The following PXYLP1 variants were observed in gnomAD, a reference collection of about 807,000 sequenced individuals.
PXYLP1 encodes acid phosphatase-like 2.
A neutral mutation model predicts 37.9 loss-of-function variants in PXYLP1; 17 were observed. That is an observed-to-expected ratio of 0.45 (90% CI 0.31 to 0.67). PXYLP1 has a LOEUF of 0.67. Ranked by LOEUF, PXYLP1 falls within the 30% of genes least tolerant of loss-of-function variation. The pLI, the probability that PXYLP1 is intolerant of heterozygous loss-of-function variation, is 0.07. For synonymous variants in PXYLP1, 221 were observed against 232.2 expected (o/e 0.95, Z 0.44); for missense variants, 511 against 612.0 (o/e 0.84, Z 1.74).
At chr3:141,250,468 C>T (rs1228079526) in intron 1 of PXYLP1, among the ~76,000 whole-genome samples, 1 of 152,244 alleles carries the variant, frequency 6.6e-6, no homozygotes, top group Non-Finnish European at 1.5e-5. Flanking sequence ...CCTGCGTGGG[C>T]GTCTGCCAGG....
At chr3:141,237,524 G>A (rs974544316) in intron 1 of PXYLP1, among the ~76,000 whole-genome samples, 2 of 152,174 alleles carry the variant, frequency 1.3e-5, no homozygotes, top group Admixed American at 1.3e-4. Flanking sequence ...TAAAATTTGG[G>A]TGGTGATAAT....
Position 141,293,291 on chromosome 3 carries a change from T to C in PXYLP1, c.*86T>C. The C allele has an allele frequency of 1.5e-6, 2 of 1,318,630 alleles. No homozygotes were observed. Among genetic ancestry groups the C allele is most frequent in the Non-Finnish European group, 2.1e-6 (2 of 972,432 alleles). 81.7% of individuals were successfully genotyped at this position (1,318,630 alleles called of 1,614,324 possible). On this transcript the variant is annotated 3_prime_UTR_variant, in exon 6 of 6. Coordinates refer to ENST00000286353, the MANE Select transcript of PXYLP1 (RefSeq NM_001037172.3). ...TTCTAGTTTTGTCTGTTACTAAGGGTAGAAGATTATTGCTTTTTAAAGGCT... is the reference window on the plus strand; with the variant it reads ...TTCTAGTTTTGTCTGTTACTAAGGGCAGAAGATTATTGCTTTTTAAAGGCT...
chr3:141,237,940 A>G (rs1940700401), intron 1 of PXYLP1, among the ~76,000 whole-genome samples: 1 of 152,186 alleles, frequency 6.6e-6, no homozygotes, highest in South Asian at 2.1e-4. Context: ...ACTCTTGGCC[A>G]CAGGTTGTTA....
chr3:141,251,459 A>G (rs1941139431), intron 1 of PXYLP1, among the ~76,000 whole-genome samples: 1 of 152,190 alleles, frequency 6.6e-6, no homozygotes, highest in South Asian at 2.1e-4. Flanking sequence ...CCACATCTCT[A>G]CAACAGTTGC....
Position 141,292,379 on chromosome 3 carries a change from G to C in PXYLP1, c.617G>C (p.Gly206Ala). ...SADQLYLETT[G>A]KSRTLQSGLA... ...GACCAGCTCTATTTAGAGACCACTGGGAAAAGCCGGACCCTACAAAGTGGG... is the reference window on the plus strand; with the variant it reads ...GACCAGCTCTATTTAGAGACCACTGCGAAAAGCCGGACCCTACAAAGTGGG... Residue 206 changes from glycine to alanine, a missense_variant, in exon 6 of 6, where the codon GGG (glycine) becomes GCG (alanine). Transcript: ENST00000286353. This position sits in a 1 kb window ranked among gnomAD's most constrained non-coding sequence, Gnocchi z 4.3. 6.2e-7 allele frequency: 1 copy of C among 1,614,168 alleles called. No individual in the cohort carries two copies. Among genetic ancestry groups the C allele is most frequent in the Non-Finnish European group, 8.5e-7 (1 of 1,180,050 alleles).
chr3:141,264,890 C>T (rs772030428), intron 2 of PXYLP1, among the ~76,000 whole-genome samples: 2 of 152,202 alleles, frequency 1.3e-5, no homozygotes, highest in African/African-American at 2.4e-5. Context: ...CAGTACCTGG[C>T]ACATAGTAAT....
intron 1 of PXYLP1, chr3:141,235,449 G>A (rs1425709580): frequency 6.6e-6 from 1 of 152,196 alleles, no homozygotes; most frequent in African/African-American, 2.4e-5. Flanking sequence ...TTCCAATGGA[G>A]GAAGCTTCCA....
chr3:141,258,227 C>T (rs1266178532), intron 1 of PXYLP1, among the ~76,000 whole-genome samples: 1 of 152,146 alleles, frequency 6.6e-6, no homozygotes, highest in Non-Finnish European at 1.5e-5. Context: ...CAGTGGCTTC[C>T]CAGGCCCAGA....
intron 1 of PXYLP1, among the ~76,000 whole-genome samples, chr3:141,239,744 A>G (rs1225963298): frequency 1.3e-5 from 2 of 152,226 alleles, no homozygotes; most frequent in African/African-American, 4.8e-5. Flanking sequence ...GTGCCAGCCC[A>G]CTGCCCAATG....
At chr3:141,235,797 C>T (rs1940645804) in intron 1 of PXYLP1, among the ~76,000 whole-genome samples, 1 of 152,234 alleles carries the variant, frequency 6.6e-6, no homozygotes, top group Non-Finnish European at 1.5e-5. Flanking sequence ...TTTCAGGGTC[C>T]GCTCTGAGTC....
intron 2 of PXYLP1, 27 bp from the exon 3 acceptor site, chr3:141,278,315 G>T: frequency 6.2e-7 from 1 of 1,613,558 alleles, no homozygotes; most frequent in Non-Finnish European, 8.5e-7. Flanking sequence ...GGAACTGTGC[G>T]TCACAACCTG....
intron 2 of PXYLP1, among the ~76,000 whole-genome samples, chr3:141,270,521 A>G (rs1208790129): frequency 6.6e-6 from 1 of 152,236 alleles, no homozygotes; most frequent in African/African-American, 2.4e-5. Flanking sequence ...GAGGAGCACT[A>G]AGGGAATTGT....
rs894477517 is a variant in PXYLP1, at chr3:141,292,922, G to C, written c.1160G>C (p.Ser387Thr). The C allele has an allele frequency of 6.2e-7, 1 of 1,614,188 alleles. No individual in the cohort carries two copies. ...AHDVTLSPVL[S>T]ALGLSEARFP... ...GATGTCACTCTGTCACCAGTTCTCA[G>C]TGCCTTGGGCCTTTCAGAAGCCAGG... is the stretch of plus-strand genomic sequence containing the variant. The change falls in exon 6 of 6, where the codon AGT (serine) becomes ACT (threonine). Residue 387 changes from serine (S) to threonine (T), a missense_variant. By Grantham distance (58) the Ser-to-Thr change is moderately conservative. Transcript: ENST00000286353. This position sits in a 1 kb window ranked among gnomAD's most constrained non-coding sequence, Gnocchi z 4.3.
At position 141,292,800 on chromosome 3, in the gene PXYLP1, C is replaced by T. The variant is rs145988315; in HGVS notation, c.1038C>T (p.Leu346=). The T allele has an allele frequency of 2.5e-4, 396 of 1,613,572 alleles. 1 individual carries two copies. In the Middle Eastern group the frequency reaches 3.1e-3, roughly 13 times the overall value. ...REKKLYFGYS[L]LGAHPILNQT... ...AGAAATTGTACTTCGGGTATTCTCTCCTGGGTGCCCACCCCATCCTGAACC... is the reference window on the plus strand; with the variant it reads ...AGAAATTGTACTTCGGGTATTCTCTTCTGGGTGCCCACCCCATCCTGAACC... The change falls in exon 6 of 6, where the codon CTC becomes CTT. Residue 346 remains leucine, a synonymous_variant. Transcript: ENST00000286353. The surrounding 1 kb of genome is among the most constrained non-coding windows in gnomAD (Gnocchi z 4.3).
intron 1 of PXYLP1, among the ~76,000 whole-genome samples, chr3:141,245,110 C>T (rs577311191): frequency 7.7e-6 from 1 of 130,168 alleles, no homozygotes; most frequent in African/African-American, 2.9e-5. Flanking sequence ...AGTGAAGTGG[C>T]GCAATCTTGG....
chr3:141,248,921 T>TGTG (rs1559882135), intron 1 of PXYLP1, among the ~76,000 whole-genome samples: 18 of 150,822 alleles, frequency 1.2e-4, no homozygotes, highest in African/African-American at 3.4e-4. Context: ...TGTGTGTGTG[T>TGTG]TTTGAGAGCT....
chr3:141,257,972 C>A lies in PXYLP1; in HGVS notation c.-53-2151C>A, dbSNP rs563318579. Among the ~76,000 whole-genome samples the A allele has an allele frequency of 1.8e-3, 276 of 150,020 alleles. 1 individual carries two copies. Among genetic ancestry groups the A allele is most frequent in the African/African-American group, 6.6e-3 (269 of 40,824 alleles). ...GAAGAAAATGCAGTGTCAAGTAAGACCATAGGAAACATACTTAGCTGTCCT... is the reference window on the plus strand; with the variant it reads ...GAAGAAAATGCAGTGTCAAGTAAGAACATAGGAAACATACTTAGCTGTCCT... On this transcript the variant is annotated intron_variant, in intron 1 of 5. Transcript: ENST00000286353.
intron 2 of PXYLP1, among the ~76,000 whole-genome samples, chr3:141,261,077 T>C (rs13064327): frequency 0.43 from 66,009 of 152,136 alleles, 16,847 homozygotes; most frequent in South Asian, 0.62. Context: ...AAGGGTTTGG[T>C]GCTTCTTTTA....
chr3:141,279,594 A>G, intron 4 of PXYLP1, 90 bp downstream of exon 4: 20 of 1,526,268 alleles, frequency 1.3e-5, no homozygotes, highest in Non-Finnish European at 1.8e-5. Flanking sequence ...GGTGAACCAT[A>G]CTGTTTGCAG....
Sources: gnomAD v4.1 joint callset for allele counts (sites outside exome capture counted in the v4.1 genomes callset) on GRCh38, gnomAD v4.1.1 for gene constraint, Gnocchi (gnomAD v3.1) non-coding constraint, MANE v1.5 for transcripts, NCBI Gene and HGNC (gene_info 2026-07-23, HGNC 2026-07-21) for gene names.